Variants in SUSD6 observed in about 807,000 individuals in gnomAD.
SUSD6 encodes the protein sushi domain containing 6, also known as sushi domain-containing protein 6.
Under a neutral mutation model 28.4 loss-of-function variants are expected in SUSD6, and 16 were observed. The observed-to-expected ratio is 0.56, with a 90% CI of 0.38 to 0.86. The LOEUF (loss-of-function observed/expected upper bound fraction) is 0.86. Ranked by LOEUF, SUSD6 falls within the 40% of genes least tolerant of loss-of-function variation. The probability of loss-of-function intolerance (pLI) is 0.00; values close to 1 mark genes in which losing one functional copy is unlikely to be tolerated. For missense variants in SUSD6, 341 were observed against 384.2 expected, an observed-to-expected ratio of 0.89 and a Z score of 0.94; for synonymous variants, 147 against 159.6, an observed-to-expected ratio of 0.92 and a Z score of 0.59.
At chr14:69,670,536 A>G (rs1287225182) in intron 2 of SUSD6, 1 of 456,518 alleles carries the variant, frequency 2.2e-6, no homozygotes, top group African/African-American at 2.0e-5. Flanking sequence ...ATGGGGAGAC[A>G]AGGTGGCATA....
Position 69,715,115 on chromosome 14 carries a change from ATAAT to A in SUSD6, c.*4140_*4143del, listed in dbSNP as rs1886528243. ...TCTATGTATATAACTGCATTTCTAA[ATAAT>A]TAAAAAAAAGTTCTTATGAAGGCAA... On this transcript the variant is annotated 3_prime_UTR_variant, in exon 6 of 6. Transcript: ENST00000342745. 1 of 152,206 alleles carries A rather than the reference ATAAT, an allele frequency of 6.6e-6. No individual in the cohort carries two copies. The highest frequency in any genetic ancestry group is 6.5e-5 in the Admixed American group (1 of 15,278). The allele number at this position is 152,206 out of a possible 1,614,324, so 9.4% of individuals were successfully genotyped here.
intron 1 of SUSD6, among the ~76,000 whole-genome samples, chr14:69,633,657 A>G (rs1235501963): frequency 2.0e-5 from 3 of 152,116 alleles, no homozygotes; most frequent in Non-Finnish European, 4.4e-5. Context: ...CTAATCATTC[A>G]TATCTCACTG....
chr14:69,686,763 C>T (rs1407010571), intron 2 of SUSD6, among the ~76,000 whole-genome samples: 1 of 152,164 alleles, frequency 6.6e-6, no homozygotes, highest in Non-Finnish European at 1.5e-5. Flanking sequence ...AGACCTGCGC[C>T]CATGATTCCA....
chr14:69,695,108 G>T (rs1886206310), intron 2 of SUSD6, among the ~76,000 whole-genome samples: 2 of 152,004 alleles, frequency 1.3e-5, no homozygotes, highest in African/African-American at 2.4e-5. Flanking sequence ...CTGCTAGGAA[G>T]ATTTGTCTCA....
chr14:69,700,100 A>T (rs1450804374), intron 2 of SUSD6, among the ~76,000 whole-genome samples: 1 of 152,210 alleles, frequency 6.6e-6, no homozygotes, highest in Admixed American at 6.5e-5. Flanking sequence ...CCTGGCTTCC[A>T]GGTGGCCCTT....
Position 69,709,077 on chromosome 14 carries a change from T to G in SUSD6, c.859T>G (p.Ser287Ala). 6.2e-7 allele frequency: 1 copy of G among 1,607,392 alleles called. No homozygotes were observed. Among genetic ancestry groups the G allele is most frequent in the Non-Finnish European group, 8.5e-7 (1 of 1,176,692 alleles). The change falls in exon 5 of 6, where the codon TCC becomes GCC. Residue 287 changes from serine to alanine, a missense_variant. Coordinates refer to ENST00000342745, the MANE Select transcript of SUSD6 (RefSeq NM_014734.4). ...SENSDIQSLL[S>A]LTSEEYTDDI... ...GAACAGTGACATACAAAGCCTTTTA[T>G]CCCTCACGTCAGAGGAGTACACAGA...
intron 4 of SUSD6, among the ~76,000 whole-genome samples, chr14:69,707,551 T>C (rs926592265): frequency 7.3e-5 from 11 of 151,688 alleles, no homozygotes; most frequent in African/African-American, 2.4e-4. Flanking sequence ...AGCCCAGGAG[T>C]TCAAGACCAG....
intron 2 of SUSD6, among the ~76,000 whole-genome samples, chr14:69,686,460 G>A (rs1409743825): frequency 6.6e-6 from 1 of 152,120 alleles, no homozygotes; most frequent in Non-Finnish European, 1.5e-5. Context: ...AGTGTGAAAG[G>A]CCCTTCTAGA....
chr14:69,629,760 T>C (rs74940574), intron 1 of SUSD6, among the ~76,000 whole-genome samples: 4,278 of 152,330 alleles, frequency 0.028, 79 homozygotes, highest in Middle Eastern at 0.068. Context: ...CAACCAACCC[T>C]AAAGTCAGTG....
chr14:69,699,827 G>A (rs1353201364), intron 2 of SUSD6, among the ~76,000 whole-genome samples: 1 of 151,940 alleles, frequency 6.6e-6, no homozygotes, highest in Non-Finnish European at 1.5e-5. Context: ...TGCACAGAGA[G>A]GGGTCCCAGA....
intron 1 of SUSD6, among the ~76,000 whole-genome samples, chr14:69,638,820 C>G (rs879848297): frequency 6.6e-6 from 1 of 152,158 alleles, no homozygotes; most frequent in South Asian, 2.1e-4. Context: ...TCAGGACTTG[C>G]GTAATTTAAA....
At chr14:69,617,951 A>G (rs1220086257) in intron 1 of SUSD6, among the ~76,000 whole-genome samples, 1 of 152,232 alleles carries the variant, frequency 6.6e-6, no homozygotes, top group Non-Finnish European at 1.5e-5. Context: ...GGTGGACCTC[A>G]GGTGTAACCC....
intron 2 of SUSD6, among the ~76,000 whole-genome samples, chr14:69,659,957 G>C (rs561378992): frequency 6.6e-6 from 1 of 152,252 alleles, no homozygotes; most frequent in Non-Finnish European, 1.5e-5. Flanking sequence ...GCCTCTGGGT[G>C]GTGTGCCACA....
In SUSD6 at chr14:69,711,549, G is replaced by A. The variant is rs1886463352; in HGVS notation, c.*570G>A. 6.5e-6 allele frequency: 1 copy of A among 153,204 alleles called. No homozygotes were observed. The highest frequency in any genetic ancestry group is 6.5e-5 in the Admixed American group (1 of 15,380). The allele number at this position is 153,204 out of a possible 1,614,324, so 9.5% of individuals were successfully genotyped here. A position where few individuals can be genotyped will look rare whatever the true frequency, so the allele number is the denominator to read the frequency against. On this transcript the variant is annotated 3_prime_UTR_variant, in exon 6 of 6. Coordinates refer to ENST00000342745, the MANE Select transcript of SUSD6 (RefSeq NM_014734.4). ...CTCTTGAGTCAAGAGTGGCAGAAGTGGCTCTAATTGGGGTGAGAGTGTAGT... is the reference window on the plus strand; with the variant it reads ...CTCTTGAGTCAAGAGTGGCAGAAGTAGCTCTAATTGGGGTGAGAGTGTAGT...
chr14:69,633,743 G>A (rs1435099360), intron 1 of SUSD6, among the ~76,000 whole-genome samples: 1 of 152,190 alleles, frequency 6.6e-6, no homozygotes, highest in Non-Finnish European at 1.5e-5. Flanking sequence ...ATTGTTTGCT[G>A]TTTGGGTTTG....
At chr14:69,680,637 G>C (rs1214052413) in intron 2 of SUSD6, among the ~76,000 whole-genome samples, 1 of 152,146 alleles carries the variant, frequency 6.6e-6, no homozygotes, top group Non-Finnish European at 1.5e-5. Flanking sequence ...CTTGCCAGCT[G>C]CTTCTGTATC....
At chr14:69,654,472 A>G (rs1885549015) in intron 1 of SUSD6, among the ~76,000 whole-genome samples, 1 of 152,184 alleles carries the variant, frequency 6.6e-6, no homozygotes, top group South Asian at 2.1e-4. Flanking sequence ...GTGAAGTGTC[A>G]GGAAAGAATT....
Position 69,709,031 on chromosome 14 carries a change from CAAAG to C in SUSD6, c.817_820del (p.Glu273LeufsTer27), listed in dbSNP as rs762964064. 2.5e-6 allele frequency: 4 copies of C among 1,613,830 alleles called. No individual in the cohort carries two copies. The highest frequency in any genetic ancestry group is 2.2e-5 in the South Asian group (2 of 91,072). ...GCTCAGGGAACCGCCAACTGGCACA[CAAAG>C]AAACTGCAGATTCAGAGAACAGTGA... On this transcript the variant is annotated frameshift_variant, in exon 5 of 6. Transcript: ENST00000342745. LOFTEE classifies it high-confidence loss of function.
rs530344506 is a variant in SUSD6, at chr14:69,668,549, C to T, written c.121+9836C>T. Among the ~76,000 whole-genome samples, 51 of 151,418 alleles carry T rather than the reference C, an allele frequency of 3.4e-4. No homozygotes were observed. The South Asian group carries it at 5.8e-3, about 17-fold the overall frequency. ...ACTTGGGAGGCTGAGGCAGGAAAAT[C>T]GCTTGAACCTGGGAGGTGGAGGTTG... is the stretch of plus-strand genomic sequence containing the variant. On this transcript the variant is annotated intron_variant, in intron 2 of 5. Coordinates refer to ENST00000342745, the MANE Select transcript of SUSD6 (RefSeq NM_014734.4).
Sources: allele counts gnomAD v4.1 joint callset (sites outside exome capture counted in the v4.1 genomes callset), GRCh38; gene constraint gnomAD v4.1.1; transcripts MANE v1.5; gene names NCBI Gene and HGNC (gene_info 2026-07-23, HGNC 2026-07-21).